The following CNOT6L variants were observed in gnomAD, a reference collection of about 807,000 sequenced individuals.
The protein encoded by CNOT6L is CCR4-NOT transcription complex subunit 6-like.
In CNOT6L, 7 loss-of-function variants were observed where a neutral mutation model predicts 64.0. That is an observed-to-expected ratio of 0.11 (90% CI 0.06 to 0.21). The LOEUF (loss-of-function observed/expected upper bound fraction) is 0.21. Among genes scored for constraint, CNOT6L ranks in the 10% least tolerant of loss-of-function variants. The pLI is 1.00. For synonymous variants in CNOT6L, 193 were observed against 243.4 expected, an observed-to-expected ratio of 0.79 and a Z score of 1.93; for missense variants, 245 against 669.0, an observed-to-expected ratio of 0.37 and a Z score of 6.99.
intron 10 of CNOT6L, among the ~76,000 whole-genome samples, chr4:77,728,357 C>T (rs1722099911): frequency 6.6e-6 from 1 of 152,210 alleles, no homozygotes; most frequent in South Asian, 2.1e-4. Context: ...CTGCAAATCC[C>T]TCCCCGCTCT....
chr4:77,803,680 G>A (rs940062128), intron 1 of CNOT6L, among the ~76,000 whole-genome samples: 1 of 152,174 alleles, frequency 6.6e-6, no homozygotes, highest in South Asian at 2.1e-4. Context: ...GAGGCAGGTA[G>A]ATAACCTGAG....
chr4:77,766,656 A>G (rs1459867157), intron 4 of CNOT6L, among the ~76,000 whole-genome samples: 3 of 151,986 alleles, frequency 2.0e-5, no homozygotes, highest in Non-Finnish European at 4.4e-5. Context: ...AAGGCTCACT[A>G]TAAGATTAAT....
At chr4:77,762,538 T>C (rs1342092388) in intron 4 of CNOT6L, among the ~76,000 whole-genome samples, 1 of 152,180 alleles carries the variant, frequency 6.6e-6, no homozygotes, top group Non-Finnish European at 1.5e-5. Context: ...TTGTGCCGTA[T>C]ATAAAAATTA....
chr4:77,758,524 T>A (rs1725824096), intron 4 of CNOT6L, among the ~76,000 whole-genome samples: 1 of 152,218 alleles, frequency 6.6e-6, no homozygotes, highest in Non-Finnish European at 1.5e-5. Flanking sequence ...TTTTAAAAGC[T>A]GTCACTCCTG....
At chr4:77,805,766 T>C (rs779885456) in intron 1 of CNOT6L, among the ~76,000 whole-genome samples, 2 of 152,164 alleles carry the variant, frequency 1.3e-5, no homozygotes, top group Non-Finnish European at 2.9e-5. Flanking sequence ...CTACATTGGA[T>C]TCACAGCCTT....
At chr4:77,725,309 T>C (rs1322660999) in intron 11 of CNOT6L, among the ~76,000 whole-genome samples, 1 of 152,208 alleles carries the variant, frequency 6.6e-6, no homozygotes, top group East Asian at 1.9e-4. Context: ...TTTCCTTTGG[T>C]ATTTTATTAA....
chr4:77,763,129 T>A, intron 4 of CNOT6L, among the ~76,000 whole-genome samples: 1 of 151,652 alleles, frequency 6.6e-6, no homozygotes, highest in African/African-American at 2.4e-5. Context: ...CAGAAAAAAA[T>A]TACCCACAGT....
chr4:77,769,063 A>G (rs920273050), intron 4 of CNOT6L, among the ~76,000 whole-genome samples: 2 of 152,222 alleles, frequency 1.3e-5, no homozygotes, highest in Non-Finnish European at 2.9e-5. Context: ...GCATATTCAC[A>G]TATCAGAATA....
Position 77,793,365 on chromosome 4 carries a change from T to A in CNOT6L, c.6-16973A>T, listed in dbSNP as rs186613589. 4.6e-5 allele frequency among the ~76,000 whole-genome samples: 7 copies of A among 152,284 alleles called. No individual in the cohort carries two copies. In the East Asian group the frequency reaches 1.2e-3, roughly 25 times the overall value. On this transcript the variant is annotated intron_variant, in intron 1 of 11. Transcript: ENST00000504123. ...ACTATCATTCAATGAGCACCAACCA[T>A]GTGACAAACATTATCCATAGTGTTT... is the stretch of plus-strand genomic sequence containing the variant.
chr4:77,779,615 C>T (rs919234562), intron 1 of CNOT6L, among the ~76,000 whole-genome samples: 32 of 151,906 alleles, frequency 2.1e-4, no homozygotes, highest in African/African-American at 7.7e-4. Context: ...AAGATCAATA[C>T]TGCCATATTA....
chr4:77,718,042 T>TA lies in CNOT6L; in HGVS notation c.*2388_*2389insT, dbSNP rs1326302142. 1.3e-5 allele frequency: 2 copies of TA among 152,124 alleles called. No homozygotes were observed. The highest frequency in any genetic ancestry group is 4.8e-5 in the African/African-American group (2 of 41,248). The allele number at this position is 152,124 out of a possible 1,614,324, so 9.4% of individuals were successfully genotyped here. On this transcript the variant is annotated 3_prime_UTR_variant, in exon 12 of 12. Transcript: ENST00000504123. ...GCTGTTTACAATGTTTCCCATTTTT[T>TA]TTTATTTTTTCCCTCTACATTTAAC...
rs35866530 is a variant in CNOT6L at position 77,719,427 on chromosome 4, A to G, written c.*1004T>C. 9.2e-5 allele frequency: 14 copies of G among 152,750 alleles called. No individual in the cohort carries two copies. The East Asian group carries it at 1.9e-3, about 21-fold the overall frequency. 9.5% of individuals were successfully genotyped at this position (152,750 alleles called of 1,614,324 possible). The stretch of plus-strand genomic sequence containing the variant: ...CAAGAAACCAACAGCCACATAATCT[A>G]TGTTGGAAACACATAAAATATCTGT... On this transcript the variant is annotated 3_prime_UTR_variant, in exon 12 of 12. Coordinates refer to ENST00000504123, the MANE Select transcript of CNOT6L (RefSeq NM_144571.3).
chr4:77,794,850 CAAT>C (rs1014387374), intron 1 of CNOT6L, among the ~76,000 whole-genome samples: 4 of 151,756 alleles, frequency 2.6e-5, no homozygotes, highest in African/African-American at 9.7e-5. Context: ...TATTCACAAA[CAAT>C]AAATTATATA....
At position 77,714,407 on chromosome 4, in the gene CNOT6L, A is replaced by G. The variant is rs1720511730; in HGVS notation, c.*6024T>C. ...GAATTTGACCAACACCCTGGCCCTT[A>G]TAGAGAGAAAAAGTACATACACACT... is the stretch of plus-strand genomic sequence containing the variant. On this transcript the variant is annotated 3_prime_UTR_variant, in exon 12 of 12. Coordinates refer to ENST00000504123, the MANE Select transcript of CNOT6L (RefSeq NM_144571.3). 6.8e-6 allele frequency: 1 copy of G among 147,508 alleles called. No individual in the cohort carries two copies. Among genetic ancestry groups the G allele is most frequent in the South Asian group, 2.2e-4 (1 of 4,520 alleles). 9.1% of individuals were successfully genotyped at this position (147,508 alleles called of 1,614,324 possible). A position where few individuals can be genotyped will look rare whatever the true frequency, so the allele number is the denominator to read the frequency against.
intron 11 of CNOT6L, among the ~76,000 whole-genome samples, chr4:77,721,706 C>A (rs1721296765): frequency 2.0e-5 from 3 of 152,134 alleles, no homozygotes; most frequent in Admixed American, 2.0e-4. Context: ...TGCAGTGTCT[C>A]ATGCTTGTAA....
At chr4:77,775,367 A>T (rs968401163) in intron 2 of CNOT6L, among the ~76,000 whole-genome samples, 1 of 152,196 alleles carries the variant, frequency 6.6e-6, no homozygotes, top group Non-Finnish European at 1.5e-5. Flanking sequence ...TTTTATATAT[A>T]ATCTGTATTA....
rs1032729277 is a variant in CNOT6L, at chr4:77,718,114, A to G, written c.*2317T>C. Reference sequence around the variant, plus strand: ...ATAAATGGGCTCCTCTGTGGTTCATATACAATCATAAGTGAACTTTAAATT... The same window carrying G: ...ATAAATGGGCTCCTCTGTGGTTCATGTACAATCATAAGTGAACTTTAAATT... On this transcript the variant is annotated 3_prime_UTR_variant, in exon 12 of 12. Coordinates refer to ENST00000504123, the MANE Select transcript of CNOT6L (RefSeq NM_144571.3). The G allele has an allele frequency of 6.6e-6, 1 of 152,462 alleles. No individual in the cohort carries two copies. The highest frequency in any genetic ancestry group is 1.5e-5 in the Non-Finnish European group (1 of 68,008). 9.4% of individuals were successfully genotyped at this position (152,462 alleles called of 1,614,324 possible).
intron 10 of CNOT6L, among the ~76,000 whole-genome samples, chr4:77,726,968 G>C (rs1431698804): frequency 6.6e-6 from 1 of 151,788 alleles, no homozygotes; most frequent in East Asian, 1.9e-4. Flanking sequence ...ATACAAGGCT[G>C]AAGAGAAGAA....
chr4:77,781,392 G>A (rs1039959726), intron 1 of CNOT6L, among the ~76,000 whole-genome samples: 1 of 151,950 alleles, frequency 6.6e-6, no homozygotes, highest in Admixed American at 6.6e-5. Flanking sequence ...TATTTTAGGG[G>A]GTTTTTGTAT....
Sources: allele counts gnomAD v4.1 joint callset (sites outside exome capture counted in the v4.1 genomes callset), GRCh38; gene constraint gnomAD v4.1.1; transcripts MANE v1.5; gene names NCBI Gene and HGNC (gene_info 2026-07-23, HGNC 2026-07-21).